RAPGEF1: variants seen among roughly 807,000 people sequenced by gnomAD.
RAPGEF1 encodes the protein CRK SH3-binding GNRP.
RAPGEF1 carries 33 observed loss-of-function variants against 143.3 expected under a neutral mutation model. That is an observed-to-expected ratio of 0.23 (90% confidence interval 0.17 to 0.31). The LOEUF is 0.31. Among genes scored for constraint, RAPGEF1 ranks in the 10% least tolerant of loss-of-function variants. The pLI is 1.00. For synonymous variants in RAPGEF1, 629 were observed against 676.5 expected, an observed-to-expected ratio of 0.93 and a Z score of 1.09; for missense variants, 1,199 against 1,645.4, an observed-to-expected ratio of 0.73 and a Z score of 4.69.
intron 4 of RAPGEF1, among the ~76,000 whole-genome samples, chr9:131,639,467 T>TGTGTGTGTGTGTGA (rs1233904740): frequency 5.4e-4 from 77 of 143,328 alleles, no homozygotes; most frequent in Middle Eastern, 3.6e-3. Flanking sequence ...TGTGTGTGTG[T>TGTGTGTGTGTGTGA]GAGAGAGAGA....
intron 1 of RAPGEF1, among the ~76,000 whole-genome samples, chr9:131,710,707 G>C (rs1835444619): frequency 6.6e-6 from 1 of 152,042 alleles, no homozygotes; most frequent in Non-Finnish European, 1.5e-5. Context: ...TGGCCAACAT[G>C]GTGAAACCCT....
intron 5 of RAPGEF1, 98 bp downstream of exon 5, chr9:131,638,537 A>C (rs1437664800): frequency 7.4e-7 from 1 of 1,355,080 alleles, no homozygotes; most frequent in East Asian, 2.3e-5. Context: ...AAGACATTCT[A>C]ATGTTTGAAG....
In RAPGEF1 at chr9:131,584,640, C is replaced by T; in HGVS notation, c.3234-44G>A. 1.3e-6 allele frequency: 2 copies of T among 1,599,080 alleles called. No homozygotes were observed. Among genetic ancestry groups the T allele is most frequent in the Admixed American group, 1.7e-5 (1 of 59,990 alleles). ...AAAGAAACAGCTGAGTTGACAAGTCCCTGCAGGTCCCAGGGGTCCTGGTGG... is the reference window on the plus strand; with the variant it reads ...AAAGAAACAGCTGAGTTGACAAGTCTCTGCAGGTCCCAGGGGTCCTGGTGG... On this transcript the variant is annotated intron_variant, in intron 22 of 26. Transcript: ENST00000683357. This position sits in a 1 kb window ranked among gnomAD's most constrained non-coding sequence, Gnocchi z 6.8.
intron 1 of RAPGEF1, among the ~76,000 whole-genome samples, chr9:131,661,251 C>T (rs1471157165): frequency 1.3e-5 from 2 of 152,224 alleles, no homozygotes; most frequent in Non-Finnish European, 2.9e-5. Flanking sequence ...ACCGTGGCAC[C>T]GTCGCACAGT....
intron 1 of RAPGEF1, among the ~76,000 whole-genome samples, chr9:131,680,164 T>G (rs559747270): frequency 6.6e-6 from 1 of 152,278 alleles, no homozygotes; most frequent in Admixed American, 6.5e-5. Flanking sequence ...TCAGTTCCAA[T>G]GTGAATCCAG....
chr9:131,617,333 G>A (rs11999456), intron 12 of RAPGEF1, among the ~76,000 whole-genome samples: 37,944 of 152,122 alleles, frequency 0.25, 5,141 homozygotes, highest in Non-Finnish European at 0.31. Context: ...TGAGGGGAGC[G>A]CATCTTCCCA....
intron 12 of RAPGEF1, among the ~76,000 whole-genome samples, chr9:131,612,190 T>C (rs1958121066): frequency 6.6e-6 from 1 of 152,202 alleles, no homozygotes. Context: ...AGAAGGTTTG[T>C]GTCTATTTCC....
chr9:131,668,936 G>A (rs1279663429), intron 1 of RAPGEF1, among the ~76,000 whole-genome samples: 1 of 152,252 alleles, frequency 6.6e-6, no homozygotes, highest in Non-Finnish European at 1.5e-5. Flanking sequence ...CTGCCTGTTA[G>A]GATGGCTGCC....
At chr9:131,662,570 T>C (rs1829736070) in intron 1 of RAPGEF1, among the ~76,000 whole-genome samples, 1 of 150,488 alleles carries the variant, frequency 6.6e-6, no homozygotes, top group Non-Finnish European at 1.5e-5. Flanking sequence ...TTTTTTGAGA[T>C]GGAGTCTCAC....
intron 12 of RAPGEF1, among the ~76,000 whole-genome samples, chr9:131,608,210 C>T (rs1033642316): frequency 9.8e-5 from 15 of 152,338 alleles, no homozygotes; most frequent in Non-Finnish European, 2.2e-4. Flanking sequence ...GCAAGTCCTC[C>T]GCATGGTGCT....
At chr9:131,626,524 G>T in intron 9 of RAPGEF1, 102 bp from the exon 10 acceptor site, 1 of 1,182,522 alleles carries the variant, frequency 8.5e-7, no homozygotes, top group Non-Finnish European at 1.2e-6. Context: ...ATGGGTGTGT[G>T]ACAAAGACCT....
intron 1 of RAPGEF1, among the ~76,000 whole-genome samples, chr9:131,669,505 C>G (rs2130743135): frequency 6.6e-6 from 1 of 152,280 alleles, no homozygotes; most frequent in East Asian, 1.9e-4. Context: ...AAAGCACTTG[C>G]AAGGTGCTGG....
chr9:131,737,441 C>A, intron 1 of RAPGEF1: 1 of 1,613,910 alleles, frequency 6.2e-7, no homozygotes, highest in Non-Finnish European at 8.5e-7. Context: ...GGTCTGGCAG[C>A]CTGGGTAGCT....
At chr9:131,582,767 G>GC in intron 24 of RAPGEF1, 65 bp from the exon 25 acceptor site, 1 of 1,380,464 alleles carries the variant, frequency 7.2e-7, no homozygotes. Flanking sequence ...TGCTGGGGCA[G>GC]AGCCCTGGTC....
intron 1 of RAPGEF1, among the ~76,000 whole-genome samples, chr9:131,738,258 A>G (rs1837547645): frequency 1.3e-5 from 2 of 151,174 alleles, no homozygotes. Flanking sequence ...ATAATCTTAT[A>G]TATTATAAAG....
Position 131,625,911 on chromosome 9 carries a change from C to T in RAPGEF1, c.1702+11G>A, listed in dbSNP as rs749656451. ...AATGCACTTCCTGACAACAGTGCAACAAAGGCTTACTGTGTTTGTTTTTCT... is the reference window on the plus strand; with the variant it reads ...AATGCACTTCCTGACAACAGTGCAATAAAGGCTTACTGTGTTTGTTTTTCT... On this transcript the variant is annotated intron_variant, in intron 10 of 26. Coordinates refer to ENST00000683357, the MANE Select transcript of RAPGEF1 (RefSeq NM_001377935.1). 1.3e-6 allele frequency: 2 copies of T among 1,541,306 alleles called. No homozygotes were observed. The highest frequency in any genetic ancestry group is 2.7e-5 in the African/African-American group (2 of 72,832).
intron 14 of RAPGEF1, among the ~76,000 whole-genome samples, chr9:131,603,752 C>G (rs1300046443): frequency 6.6e-6 from 1 of 152,184 alleles, no homozygotes; most frequent in African/African-American, 2.4e-5. Flanking sequence ...CGCACTGAAG[C>G]AGGAGCAAAG....
chr9:131,706,298 T>C (rs556930486), intron 1 of RAPGEF1, among the ~76,000 whole-genome samples: 1 of 152,164 alleles, frequency 6.6e-6, no homozygotes, highest in Non-Finnish European at 1.5e-5. Flanking sequence ...GGTTTTGCTC[T>C]GTCACCCAGG....
intron 1 of RAPGEF1, among the ~76,000 whole-genome samples, chr9:131,670,065 G>C (rs59316799): frequency 0.036 from 5,446 of 152,250 alleles, 212 homozygotes; most frequent in East Asian, 0.089. Context: ...CTCCAATACA[G>C]GTACCACTGT....
Sources: allele counts gnomAD v4.1 joint callset (sites outside exome capture counted in the v4.1 genomes callset), GRCh38; gene constraint gnomAD v4.1.1; non-coding constraint Gnocchi (gnomAD v3.1); transcripts MANE v1.5; gene names NCBI Gene and HGNC (gene_info 2026-07-23, HGNC 2026-07-21).